The following CTNNA3 variants were observed in gnomAD, a reference collection of about 807,000 sequenced individuals.
CTNNA3 encodes the protein catenin alpha 3, also known as catenin alpha-3.
Under a neutral mutation model 95.7 loss-of-function variants are expected in CTNNA3, and 76 were observed. That is an observed-to-expected ratio of 0.79 (90% CI 0.66 to 0.96). CTNNA3 has a LOEUF of 0.96. Among genes scored for constraint, CTNNA3 ranks in the 40% least tolerant of loss-of-function variants. The pLI is 0.00. For missense variants in CTNNA3, 1,191 were observed against 1,089.8 expected (o/e 1.09, Z -1.31); for synonymous variants, 431 against 374.4 (o/e 1.15, Z -1.74).
intron 11 of CTNNA3, among the ~76,000 whole-genome samples, chr10:66,409,146 G>A (rs568292550): frequency 6.6e-6 from 1 of 152,148 alleles, no homozygotes; most frequent in South Asian, 2.1e-4. Flanking sequence ...CTAGAAATAT[G>A]GCTAATAAAG....
chr10:66,373,192 G>A (rs931288330), intron 12 of CTNNA3, among the ~76,000 whole-genome samples: 1 of 152,070 alleles, frequency 6.6e-6, no homozygotes, highest in Non-Finnish European at 1.5e-5. Context: ...ACATATTGAA[G>A]ATTGCAGTTT....
At chr10:66,879,798 T>C (rs534336509) in intron 7 of CTNNA3, among the ~76,000 whole-genome samples, 1 of 152,134 alleles carries the variant, frequency 6.6e-6, no homozygotes, top group South Asian at 2.1e-4. Flanking sequence ...GGGCAACGCA[T>C]GTTTAGAAAA....
At chr10:67,432,494 T>C (rs2132901553) in intron 5 of CTNNA3, among the ~76,000 whole-genome samples, 1 of 152,128 alleles carries the variant, frequency 6.6e-6, no homozygotes, top group African/African-American at 2.4e-5. Flanking sequence ...AATCTCTTCT[T>C]TGCCTTTTCC....
intron 1 of CTNNA3, among the ~76,000 whole-genome samples, chr10:67,743,406 G>T (rs1564844851): frequency 6.6e-6 from 1 of 151,126 alleles, no homozygotes; most frequent in Non-Finnish European, 1.5e-5. Flanking sequence ...AAAACCACAT[G>T]ATAATCTCAA....
At chr10:67,137,041 T>C (rs1287881169) in intron 7 of CTNNA3, among the ~76,000 whole-genome samples, 1 of 152,078 alleles carries the variant, frequency 6.6e-6, no homozygotes, top group Non-Finnish European at 1.5e-5. Flanking sequence ...CTTGCTCCTC[T>C]GGGTAGCTGT....
intron 9 of CTNNA3, among the ~76,000 whole-genome samples, chr10:66,678,119 G>T (rs2132492343): frequency 6.6e-6 from 1 of 152,228 alleles, no homozygotes; most frequent in East Asian, 1.9e-4. Context: ...TAATGACAAT[G>T]ACAACAAAAT....
intron 5 of CTNNA3, among the ~76,000 whole-genome samples, chr10:67,223,808 A>G (rs1203877687): frequency 2.0e-5 from 3 of 152,250 alleles, no homozygotes; most frequent in African/African-American, 7.2e-5. Flanking sequence ...AAATGCAAAG[A>G]TAAAGATCAG....
At chr10:66,807,170 C>A (rs573041335) in intron 7 of CTNNA3, among the ~76,000 whole-genome samples, 25 of 152,038 alleles carry the variant, frequency 1.6e-4, no homozygotes, top group African/African-American at 6.0e-4. Flanking sequence ...GTTTTGGGTG[C>A]GCACTGTGAA....
chr10:66,303,606 AATGGT>A (rs1178305071), intron 12 of CTNNA3, among the ~76,000 whole-genome samples: 1 of 152,230 alleles, frequency 6.6e-6, no homozygotes. Flanking sequence ...AAAAAATACA[AATGGT>A]TAAGATCTTA....
chr10:67,548,448 G>A (rs1242776115), intron 3 of CTNNA3, among the ~76,000 whole-genome samples: 1 of 152,056 alleles, frequency 6.6e-6, no homozygotes, highest in Non-Finnish European at 1.5e-5. Flanking sequence ...TTCACCAGCT[G>A]ATCCTAAAAT....
intron 5 of CTNNA3, among the ~76,000 whole-genome samples, chr10:67,321,582 G>C (rs1053803430): frequency 6.6e-6 from 1 of 152,136 alleles, no homozygotes; most frequent in Non-Finnish European, 1.5e-5. Context: ...ATACCATGTA[G>C]ATTTCTTATT....
chr10:66,571,262 T>A (rs747080005), intron 10 of CTNNA3, among the ~76,000 whole-genome samples: 4 of 152,186 alleles, frequency 2.6e-5, no homozygotes, highest in Non-Finnish European at 4.4e-5. Flanking sequence ...TGTAGGTGTA[T>A]TATCATGCCT....
At chr10:66,614,616 A>G (rs1217106052) in intron 10 of CTNNA3, among the ~76,000 whole-genome samples, 1 of 152,030 alleles carries the variant, frequency 6.6e-6, no homozygotes, top group Non-Finnish European at 1.5e-5. Flanking sequence ...GTAACAACTT[A>G]TAAAAATATT....
At chr10:66,524,210 A>G (rs147134857) in intron 10 of CTNNA3, among the ~76,000 whole-genome samples, 1 of 152,380 alleles carries the variant, frequency 6.6e-6, no homozygotes, top group East Asian at 1.9e-4. Flanking sequence ...TTTTGTCCAT[A>G]TAAATAAATA....
intron 7 of CTNNA3, among the ~76,000 whole-genome samples, chr10:67,170,444 A>C (rs1269731877): frequency 6.6e-6 from 1 of 152,230 alleles, no homozygotes; most frequent in South Asian, 2.1e-4. Flanking sequence ...GCTATAAAAA[A>C]TAATGAGATC....
At chr10:67,333,468 T>C (rs780919843) in intron 5 of CTNNA3, among the ~76,000 whole-genome samples, 3 of 152,194 alleles carry the variant, frequency 2.0e-5, no homozygotes, top group Non-Finnish European at 4.4e-5. Context: ...AGCTCATATA[T>C]TCTGTGGGCT....
At chr10:65,940,155 C>T (rs1297368333) in intron 17 of CTNNA3, among the ~76,000 whole-genome samples, 1 of 152,040 alleles carries the variant, frequency 6.6e-6, no homozygotes, top group Non-Finnish European at 1.5e-5. Flanking sequence ...AAAGGAAGGC[C>T]CTAAACAGTC....
At chr10:66,084,154 A>AAAAAAAAAAAAAAAAAAAG (rs1564627073) in intron 14 of CTNNA3, among the ~76,000 whole-genome samples, 2 of 141,342 alleles carry the variant, frequency 1.4e-5, no homozygotes, top group Non-Finnish European at 1.5e-5. Flanking sequence ...AAAAGAAAAA[A>AAAAAAAAAAAAAAAAAAAG]AAAGAAAAAG....
chr10:66,056,597 T>G (rs769413385), intron 15 of CTNNA3, among the ~76,000 whole-genome samples: 7 of 152,186 alleles, frequency 4.6e-5, no homozygotes, highest in Non-Finnish European at 1.0e-4. Flanking sequence ...ATAATTTCAG[T>G]AGGATTGACA....
Sources: allele counts gnomAD v4.1 joint callset (sites outside exome capture counted in the v4.1 genomes callset), GRCh38; gene constraint gnomAD v4.1.1; transcripts MANE v1.5; gene names NCBI Gene and HGNC (gene_info 2026-07-23, HGNC 2026-07-21).